The following FBXW7 variants were observed in gnomAD, a reference collection of about 807,000 sequenced individuals.
FBXW7 encodes F-box and WD repeat domain containing 7.
Under a neutral mutation model 86.3 loss-of-function variants are expected in FBXW7, and 11 were observed. The observed-to-expected ratio is 0.13, with a 90% CI of 0.08 to 0.21. The LOEUF (loss-of-function observed/expected upper bound fraction) is 0.21. FBXW7 is among the 10% of genes least tolerant of loss of function. The pLI is 1.00. For missense variants in FBXW7, 488 were observed against 847.4 expected, an observed-to-expected ratio of 0.58 and a Z score of 5.27; for synonymous variants, 313 against 297.9, an observed-to-expected ratio of 1.05 and a Z score of -0.52.
At chr4:152,368,286 C>T (rs1733682002) in intron 4 of FBXW7, among the ~76,000 whole-genome samples, 1 of 152,084 alleles carries the variant, frequency 6.6e-6, no homozygotes, top group African/African-American at 2.4e-5. Flanking sequence ...ATGAAAACAG[C>T]AGAATAGGAC....
chr4:152,457,643 CAAAAAAAAAA>C (rs769232533), intron 2 of FBXW7, among the ~76,000 whole-genome samples: 3 of 57,464 alleles, frequency 5.2e-5, no homozygotes, highest in African/African-American at 1.3e-4. Flanking sequence ...GACTCTGTCT[CAAAAAAAAAA>C]AAAAAAAAAA....
intron 2 of FBXW7, among the ~76,000 whole-genome samples, chr4:152,473,065 C>A (rs914630677): frequency 1.3e-5 from 2 of 151,970 alleles, no homozygotes; most frequent in East Asian, 3.9e-4. Context: ...ATAGGGAGAC[C>A]CCGTCTCTAT....
chr4:152,337,585 G>A (rs954637840), intron 7 of FBXW7: 3 of 423,214 alleles, frequency 7.1e-6, no homozygotes, highest in Non-Finnish European at 1.3e-5. Flanking sequence ...TTCAAATAGT[G>A]GAAAGGAGTT....
intron 2 of FBXW7, among the ~76,000 whole-genome samples, chr4:152,478,762 T>A (rs1744632890): frequency 6.6e-6 from 1 of 152,066 alleles, no homozygotes; most frequent in African/African-American, 2.4e-5. Flanking sequence ...ATAGCCAAAT[T>A]GTATCTAAAT....
At chr4:152,522,086 G>A (rs968066074) in intron 2 of FBXW7, among the ~76,000 whole-genome samples, 1 of 152,080 alleles carries the variant, frequency 6.6e-6, no homozygotes. Flanking sequence ...GACTTGGTGA[G>A]TAATAAAACA....
chr4:152,368,419 G>GT (rs1034376496), intron 4 of FBXW7, among the ~76,000 whole-genome samples: 2 of 152,054 alleles, frequency 1.3e-5, no homozygotes, highest in Admixed American at 1.3e-4. Context: ...GCATGCATGT[G>GT]TGTGTGTTAA....
chr4:152,471,152 A>G (rs1292877411), intron 2 of FBXW7, among the ~76,000 whole-genome samples: 1 of 151,334 alleles, frequency 6.6e-6, no homozygotes, highest in East Asian at 1.9e-4. Flanking sequence ...AAATCAGTAA[A>G]ATGAATAACA....
intron 2 of FBXW7, among the ~76,000 whole-genome samples, chr4:152,500,549 C>T (rs1023711377): frequency 7.3e-6 from 1 of 137,334 alleles, no homozygotes; most frequent in East Asian, 2.3e-4. Flanking sequence ...TAATCCTTTT[C>T]TTCCCATTGT....
chr4:152,489,837 C>T (rs1205386428), intron 2 of FBXW7, among the ~76,000 whole-genome samples: 1 of 152,062 alleles, frequency 6.6e-6, no homozygotes, highest in East Asian at 1.9e-4. Context: ...ACCTTGAAAA[C>T]TCCATGTTCT....
intron 6 of FBXW7, among the ~76,000 whole-genome samples, chr4:152,338,783 T>C (rs1730419350): frequency 6.6e-6 from 1 of 152,186 alleles, no homozygotes; most frequent in South Asian, 2.1e-4. Flanking sequence ...AACCTCATAA[T>C]ACTTAAATGA....
chr4:152,503,364 A>G (rs1579372538), intron 2 of FBXW7, among the ~76,000 whole-genome samples: 1 of 151,836 alleles, frequency 6.6e-6, no homozygotes, highest in Non-Finnish European at 1.5e-5. Context: ...TCCACCTCCC[A>G]GGTTCAAGTG....
At chr4:152,370,699 A>T (rs1733932682) in intron 4 of FBXW7, among the ~76,000 whole-genome samples, 1 of 151,982 alleles carries the variant, frequency 6.6e-6, no homozygotes, top group South Asian at 2.1e-4. Context: ...AAATAATGCC[A>T]ATGTAGTAAG....
chr4:152,330,651 A>G (rs2126532315), intron 9 of FBXW7, 81 bp downstream of exon 9: 1 of 1,275,492 alleles, frequency 7.8e-7, no homozygotes, highest in Non-Finnish European at 1.1e-6. Flanking sequence ...GTGTCATATT[A>G]TACAGTTTGC....
chr4:152,505,159 G>A (rs1300966766), intron 2 of FBXW7, among the ~76,000 whole-genome samples: 1 of 151,964 alleles, frequency 6.6e-6, no homozygotes, highest in Non-Finnish European at 1.5e-5. Flanking sequence ...ATATATAAAA[G>A]GTATATTAAA....
At chr4:152,433,561 A>T (rs1740098987) in intron 2 of FBXW7, among the ~76,000 whole-genome samples, 1 of 152,232 alleles carries the variant, frequency 6.6e-6, no homozygotes, top group Non-Finnish European at 1.5e-5. Flanking sequence ...TGCATTAAAA[A>T]TGAACAAATA....
At chr4:152,486,851 CAGT>C (rs1267159915) in intron 2 of FBXW7, among the ~76,000 whole-genome samples, 3 of 152,210 alleles carry the variant, frequency 2.0e-5, no homozygotes, top group South Asian at 2.1e-4. Flanking sequence ...ACTGGCAGCA[CAGT>C]AGATTTGACT....
chr4:152,384,390 C>T (rs780200347), intron 4 of FBXW7, among the ~76,000 whole-genome samples: 2 of 151,940 alleles, frequency 1.3e-5, no homozygotes, highest in African/African-American at 2.4e-5. Flanking sequence ...CATGCATGAA[C>T]CTTGAAGATA....
chr4:152,401,707 G>A (rs1736946743), intron 4 of FBXW7, among the ~76,000 whole-genome samples: 1 of 152,130 alleles, frequency 6.6e-6, no homozygotes, highest in Non-Finnish European at 1.5e-5. Flanking sequence ...ATATGACAAA[G>A]GTAGATTCAC....
At chr4:152,345,806 G>A (rs1731207643) in intron 6 of FBXW7, among the ~76,000 whole-genome samples, 1 of 152,046 alleles carries the variant, frequency 6.6e-6, no homozygotes, top group African/African-American at 2.4e-5. Context: ...ATTCATCTAG[G>A]TATTTAAAAT....
Sources: gnomAD v4.1 joint callset for allele counts (sites outside exome capture counted in the v4.1 genomes callset) on GRCh38, gnomAD v4.1.1 for gene constraint, MANE v1.5 for transcripts, NCBI Gene and HGNC (gene_info 2026-07-23, HGNC 2026-07-21) for gene names.